PACS2: variants seen among roughly 807,000 people sequenced by gnomAD.
PACS2 encodes the protein phosphofurin acidic cluster sorting protein 2, also known as PACS1-like protein.
Under a neutral mutation model 113.0 loss-of-function variants are expected in PACS2, and 36 were observed. That is an observed-to-expected ratio of 0.32 (90% CI 0.24 to 0.42). The LOEUF (loss-of-function observed/expected upper bound fraction) is 0.42, where lower values mean the gene tolerates loss of function less well. Among genes scored for constraint, PACS2 ranks in the 10% least tolerant of loss-of-function variants. The pLI is 1.00. For missense variants in PACS2, 1,015 were observed against 1,239.5 expected, an observed-to-expected ratio of 0.82 and a Z score of 2.72; for synonymous variants, 589 against 536.1, an observed-to-expected ratio of 1.10 and a Z score of -1.36.
rs770589153 is a variant in PACS2 at position 105,356,639 on chromosome 14, C to G, written c.423+1462C>G. Among the ~76,000 whole-genome samples the G allele has an allele frequency of 5.9e-5, 9 of 152,172 alleles. No individual in the cohort carries two copies. The highest frequency in any genetic ancestry group is 1.3e-4 in the Non-Finnish European group (9 of 68,014). The stretch of plus-strand genomic sequence containing the variant: ...GTCCAGGCACTGTGGGGAGGTCATG[C>G]AGGCTCTGTTTCCCATTAGCCATGC... On this transcript the variant is annotated intron_variant, in intron 4 of 24. Coordinates refer to ENST00000447393, the MANE Select transcript of PACS2 (RefSeq NM_001100913.3). The surrounding 1 kb of genome is among the most constrained non-coding windows in gnomAD (Gnocchi z 4.0).
chr14:105,332,816 A>T (rs1232125919), intron 1 of PACS2, among the ~76,000 whole-genome samples: 1 of 151,954 alleles, frequency 6.6e-6, no homozygotes, highest in Non-Finnish European at 1.5e-5. Flanking sequence ...CCTTCCTGAA[A>T]CTCCCTGGAG....
chr14:105,309,466 C>T (rs1156463564), upstream of PACS2, among the ~76,000 whole-genome samples: 2 of 152,228 alleles, frequency 1.3e-5, no homozygotes, highest in African/African-American at 4.8e-5. This position sits in a 1 kb window ranked among gnomAD's most constrained non-coding sequence, Gnocchi z 4.0. Flanking sequence ...CTGGACTGGA[C>T]ATTCCTTTCT....
rs1180520964 is a variant in PACS2, at chr14:105,356,755, C to G, written c.423+1578C>G. On this transcript the variant is annotated intron_variant, in intron 4 of 24. Transcript: ENST00000447393. This position sits in a 1 kb window ranked among gnomAD's most constrained non-coding sequence, Gnocchi z 4.0. Reference sequence around the variant, plus strand: ...CTGATCCCTGCCGGTCCCTGTGTTTCCCATTAGCCATGCAGGCGAGGTCCT... The same window carrying G: ...CTGATCCCTGCCGGTCCCTGTGTTTGCCATTAGCCATGCAGGCGAGGTCCT... 2.7e-5 allele frequency among the ~76,000 whole-genome samples: 4 copies of G among 150,506 alleles called. No homozygotes were observed. Among genetic ancestry groups the G allele is most frequent in the Non-Finnish European group, 4.4e-5 (3 of 67,506 alleles).
intron 1 of PACS2, among the ~76,000 whole-genome samples, chr14:105,304,891 C>T (rs970379850): frequency 1.3e-5 from 2 of 152,158 alleles, no homozygotes; most frequent in Non-Finnish European, 2.9e-5. Flanking sequence ...AAGACCTGCC[C>T]CCATGATTCA....
chr14:105,339,768 G>A (rs901293684), intron 1 of PACS2, among the ~76,000 whole-genome samples: 14 of 151,946 alleles, frequency 9.2e-5, no homozygotes, highest in African/African-American at 3.4e-4. Flanking sequence ...AAAGCCAGAA[G>A]CTGATTGGAA....
intron 8 of PACS2, 117 bp downstream of exon 8, chr14:105,370,017 C>T (rs587724483): frequency 1.5e-5 from 13 of 894,372 alleles, no homozygotes; most frequent in Admixed American, 8.8e-5. Context: ...ACCGTCTGCA[C>T]GGCCCCGCCA....
At chr14:105,313,976 A>AT (rs984197831), upstream of PACS2, among the ~76,000 whole-genome samples, 3 of 152,222 alleles carry the variant, frequency 2.0e-5, no homozygotes, top group African/African-American at 7.2e-5. Flanking sequence ...GGCCCCAGAC[A>AT]TTTGTTCTCC....
At chr14:105,385,601 C>T in intron 18 of PACS2, 84 bp from the exon 19 acceptor site, 1 of 868,246 alleles carries the variant, frequency 1.2e-6, no homozygotes, top group Non-Finnish European at 1.7e-6. Context: ...AGATGGGAGC[C>T]ACTGAGTGCC....
intron 1 of PACS2, among the ~76,000 whole-genome samples, chr14:105,305,639 G>A (rs149593780): frequency 2.4e-4 from 36 of 152,326 alleles, no homozygotes; most frequent in East Asian, 7.7e-4. Context: ...CGCTCCCCAC[G>A]TGATGTGAAG....
intron 1 of PACS2, among the ~76,000 whole-genome samples, chr14:105,332,710 C>T (rs2059350964): frequency 6.6e-6 from 1 of 152,174 alleles, no homozygotes. Context: ...AGACCTGGAG[C>T]CCAGGAGGTG....
In PACS2 at chr14:105,358,949, G is replaced by A. The variant is rs1213555507; in HGVS notation, c.423+3772G>A. 3.3e-5 allele frequency among the ~76,000 whole-genome samples: 5 copies of A among 152,354 alleles called. No homozygotes were observed. Among genetic ancestry groups the A allele is most frequent in the South Asian group, 2.1e-4 (1 of 4,830 alleles). Reference sequence around the variant, plus strand: ...GGGCTGCATATCAATGGGTGGCCCCGTGAGAATATGATGGCACTGGACACT... The same window carrying A: ...GGGCTGCATATCAATGGGTGGCCCCATGAGAATATGATGGCACTGGACACT... On this transcript the variant is annotated intron_variant, in intron 4 of 24. Coordinates refer to ENST00000447393, the MANE Select transcript of PACS2 (RefSeq NM_001100913.3). The surrounding 1 kb of genome is among the most constrained non-coding windows in gnomAD (Gnocchi z 4.9).
intron 2 of PACS2, among the ~76,000 whole-genome samples, chr14:105,349,832 CA>C: frequency 2.1e-5 from 3 of 143,904 alleles, no homozygotes; most frequent in African/African-American, 5.9e-5. Flanking sequence ...CAAGAACTTC[CA>C]GGAGTGCGTG....
Position 105,376,578 on chromosome 14 carries a change from G to C in PACS2, c.802-190G>C, listed in dbSNP as rs1280860978. ...GGAATGCCACACGCACCGGTACCTG[G>C]GGACCGGGGGTCCTCGGTGATCATC... On this transcript the variant is annotated intron_variant, in intron 8 of 24. Coordinates refer to ENST00000447393, the MANE Select transcript of PACS2 (RefSeq NM_001100913.3). The surrounding 1 kb of genome is among the most constrained non-coding windows in gnomAD (Gnocchi z 4.7). Among the ~76,000 whole-genome samples, 6 of 152,148 alleles carry C rather than the reference G, an allele frequency of 3.9e-5. No individual in the cohort carries two copies. Among genetic ancestry groups the C allele is most frequent in the African/African-American group, 1.4e-4 (6 of 41,436 alleles).
chr14:105,368,570 G>T (rs1320415260), intron 7 of PACS2, 31 bp downstream of exon 7: 4 of 1,558,772 alleles, frequency 2.6e-6, no homozygotes, highest in Non-Finnish European at 3.5e-6. Flanking sequence ...TGAATGCTGG[G>T]GAAGGCGAGG....
chr14:105,387,274 G>T (rs887819877), intron 19 of PACS2, among the ~76,000 whole-genome samples: 1 of 152,246 alleles, frequency 6.6e-6, no homozygotes. Context: ...CCCTGCGAGA[G>T]TCCCTCGTGA....
intron 1 of PACS2, among the ~76,000 whole-genome samples, chr14:105,302,444 C>T (rs925275965): frequency 1.3e-5 from 2 of 152,050 alleles, no homozygotes; most frequent in African/African-American, 4.8e-5. Flanking sequence ...CTCAGGTGAT[C>T]CGCCCACTTC....
rs2060577598 is a variant in PACS2 at position 105,359,277 on chromosome 14, TTTTATACTTTA to T, written c.423+4104_423+4114del. Among the ~76,000 whole-genome samples the T allele has an allele frequency of 5.3e-5, 8 of 152,196 alleles. No homozygotes were observed. In the South Asian group the frequency reaches 1.7e-3, roughly 32 times the overall value. On this transcript the variant is annotated intron_variant, in intron 4 of 24. Transcript: ENST00000447393. The stretch of plus-strand genomic sequence containing the variant: ...CTATTCACAGGCACCACTTAATGTC[TTTTATACTTTA>T]TTTTTACTGTGCTTTTTTTTTTTTG...
chr14:105,305,416 C>T lies in PACS2; in HGVS notation c.-83+4437C>T, dbSNP rs77997443. On this transcript the variant is annotated intron_variant, in intron 1 of 23. Coordinates refer to the PACS2 transcript ENST00000430725. The stretch of plus-strand genomic sequence containing the variant: ...GAACCTGTCTCAAAGAAAAAAGAAA[C>T]AAGAAAAAAGAAAAAACGTGGCTGG... Among the ~76,000 whole-genome samples, 24 of 151,106 alleles carry T rather than the reference C, an allele frequency of 1.6e-4. No homozygotes were observed. In the East Asian group the frequency reaches 4.4e-3, roughly 28 times the overall value.
intron 9 of PACS2, among the ~76,000 whole-genome samples, chr14:105,378,110 C>G (rs1472906970): frequency 1.3e-5 from 2 of 152,266 alleles, no homozygotes; most frequent in Non-Finnish European, 2.9e-5. Context: ...TTGGGCCTCC[C>G]TGGCCTTCCT....
Sources: allele counts gnomAD v4.1 joint callset (sites outside exome capture counted in the v4.1 genomes callset), GRCh38; gene constraint gnomAD v4.1.1; non-coding constraint Gnocchi (gnomAD v3.1); transcripts MANE v1.5; gene names NCBI Gene and HGNC (gene_info 2026-07-23, HGNC 2026-07-21).